Variants in HMGN3 observed in about 807,000 individuals in gnomAD.
HMGN3 encodes high mobility group nucleosome-binding domain-containing protein 3.
A neutral mutation model predicts 18.8 loss-of-function variants in HMGN3; 6 were observed. That is an observed-to-expected ratio of 0.32 (90% CI 0.18 to 0.63). HMGN3 has a LOEUF of 0.63. Ranked by LOEUF, HMGN3 falls within the 30% of genes least tolerant of loss-of-function variation. HMGN3 has a pLI of 0.79. For synonymous variants in HMGN3, 40 were observed against 36.5 expected, an observed-to-expected ratio of 1.10 and a Z score of -0.35; for missense variants, 107 against 114.2, an observed-to-expected ratio of 0.94 and a Z score of 0.29.
chr6:79,232,610 T>C (rs947363499), intron 1 of HMGN3, among the ~76,000 whole-genome samples: 1 of 151,988 alleles, frequency 6.6e-6, no homozygotes, highest in Non-Finnish European at 1.5e-5. Flanking sequence ...AGTTTTTTTT[T>C]TTTTTCCTTC....
At chr6:79,215,951 A>G (rs1776962059) in intron 1 of HMGN3, among the ~76,000 whole-genome samples, 1 of 152,236 alleles carries the variant, frequency 6.6e-6, no homozygotes, top group African/African-American at 2.4e-5. Flanking sequence ...CCTGTTAGAA[A>G]AAAATACAAA....
intron 1 of HMGN3, among the ~76,000 whole-genome samples, chr6:79,215,941 C>G (rs1561993478): frequency 6.6e-6 from 1 of 152,006 alleles, no homozygotes; most frequent in African/African-American, 2.4e-5. Context: ...GAATAGAGCT[C>G]CTGTTAGAAA....
At chr6:79,234,666 C>A in exon 1 of HMGN3, 2 of 1,136,902 alleles carry the variant, frequency 1.8e-6, no homozygotes, top group South Asian at 1.3e-5. Context: ...CAGGGCACGA[C>A]GTAGCCCGGC....
chr6:79,225,247 A>G (rs1478829070), intron 1 of HMGN3, among the ~76,000 whole-genome samples: 2 of 152,246 alleles, frequency 1.3e-5, no homozygotes, highest in Non-Finnish European at 2.9e-5. Context: ...AGCAAAAAGT[A>G]AAAGAAATAA....
In HMGN3 at chr6:79,202,197, G is replaced by T. The variant is rs780950003; in HGVS notation, c.261+79C>A. 6.2e-6 allele frequency: 10 copies of T among 1,609,810 alleles called. No homozygotes were observed. In the African/African-American group the frequency reaches 1.3e-4, roughly 21 times the overall value. On this transcript the variant is annotated intron_variant, in intron 5 of 5. Coordinates refer to ENST00000344726, the Ensembl canonical transcript of HMGN3. ...GGCAATAAAAAGAGACATTAAGAAC[G>T]TGCTATCACCGGCTGAAGGATTGAG...
chr6:79,233,918 C>G (rs1777999564), intron 1 of HMGN3: 1 of 152,646 alleles, frequency 6.6e-6, no homozygotes, highest in South Asian at 2.1e-4. Flanking sequence ...GCTCCCGCCC[C>G]GAACTGCGGG....
At chr6:79,224,883 C>T (rs1310498175) in intron 1 of HMGN3, among the ~76,000 whole-genome samples, 1 of 152,166 alleles carries the variant, frequency 6.6e-6, no homozygotes, top group African/African-American at 2.4e-5. Context: ...AAATGGTAAA[C>T]ACAGTTATGA....
At chr6:79,201,647 C>A in exon 6 of HMGN3, 4 of 1,334,576 alleles carry the variant, frequency 3.0e-6, no homozygotes, top group Non-Finnish European at 4.3e-6. Flanking sequence ...AAAAGTTGTC[C>A]CAAGAGATAC....
exon 1 of HMGN3, chr6:79,234,638 T>A: frequency 6.9e-7 from 1 of 1,445,138 alleles, no homozygotes; most frequent in Non-Finnish European, 9.7e-7. Flanking sequence ...TGCCTCTGCC[T>A]CTGCAGCTGC....
At chr6:79,231,942 A>T (rs138275790) in intron 1 of HMGN3, among the ~76,000 whole-genome samples, 168 of 152,338 alleles carry the variant, frequency 1.1e-3, no homozygotes, top group African/African-American at 3.9e-3. Flanking sequence ...GCATTACAAC[A>T]GGGCTAGGAT....
intron 1 of HMGN3, 133 bp from the exon 2 acceptor site, chr6:79,215,155 A>C: frequency 1.7e-6 from 1 of 605,086 alleles, no homozygotes; most frequent in South Asian, 2.1e-5. Flanking sequence ...AGTAAATTAC[A>C]ACAGGGTATG....
intron 1 of HMGN3, among the ~76,000 whole-genome samples, chr6:79,228,990 GAA>G (rs1314284942): frequency 6.6e-6 from 1 of 152,240 alleles, no homozygotes; most frequent in Non-Finnish European, 1.5e-5. Context: ...ATTCAGTAGA[GAA>G]AGGATGGTCT....
intron 3 of HMGN3, among the ~76,000 whole-genome samples, chr6:79,205,977 T>G (rs903555946): frequency 3.3e-5 from 5 of 152,158 alleles, no homozygotes; most frequent in African/African-American, 1.2e-4. Flanking sequence ...ATTTTGCCCC[T>G]GGTCTAGAGA....
intron 1 of HMGN3, among the ~76,000 whole-genome samples, chr6:79,215,329 C>T (rs996107682): frequency 6.6e-6 from 1 of 152,186 alleles, no homozygotes; most frequent in African/African-American, 2.4e-5. Context: ...AGTTAAAGAA[C>T]AGGGGCCAGA....
chr6:79,228,404 T>C (rs940183528), intron 1 of HMGN3, among the ~76,000 whole-genome samples: 3 of 152,208 alleles, frequency 2.0e-5, no homozygotes, highest in Non-Finnish European at 4.4e-5. Context: ...TACTCAAACA[T>C]AGATTCCATA....
chr6:79,228,258 T>C (rs1428628517), intron 1 of HMGN3, among the ~76,000 whole-genome samples: 1 of 152,198 alleles, frequency 6.6e-6, no homozygotes, highest in Non-Finnish European at 1.5e-5. Flanking sequence ...TATTTACTCA[T>C]TCAGGTTGAA....
intron 1 of HMGN3, among the ~76,000 whole-genome samples, chr6:79,227,209 T>G (rs1777603610): frequency 6.6e-6 from 1 of 152,242 alleles, no homozygotes; most frequent in Non-Finnish European, 1.5e-5. Context: ...GATCACTTGG[T>G]ACCTGATCTT....
chr6:79,206,506 T>C (rs1776427567), intron 3 of HMGN3, among the ~76,000 whole-genome samples: 1 of 152,212 alleles, frequency 6.6e-6, no homozygotes, highest in Non-Finnish European at 1.5e-5. Context: ...CCTGCGAGTG[T>C]GCAGAAGTGA....
Position 79,224,466 on chromosome 6 carries a change from A to G in HMGN3, c.16-9444T>C, listed in dbSNP as rs1399961735. On this transcript the variant is annotated intron_variant, in intron 1 of 5. Coordinates refer to ENST00000344726, the Ensembl canonical transcript of HMGN3. Reference sequence around the variant, plus strand: ...AATAATAACAAACAATAACCTATTAAAAATAGTTTATGTTGAGTTGAACAA... The same window carrying G: ...AATAATAACAAACAATAACCTATTAGAAATAGTTTATGTTGAGTTGAACAA... Among the ~76,000 whole-genome samples the G allele has an allele frequency of 2.6e-5, 4 of 152,222 alleles. No individual in the cohort carries two copies. The East Asian group carries it at 5.8e-4, about 22-fold the overall frequency.
Sources: gnomAD v4.1 joint callset for allele counts (sites outside exome capture counted in the v4.1 genomes callset) on GRCh38, gnomAD v4.1.1 for gene constraint, MANE v1.5 for transcripts, NCBI Gene and HGNC (gene_info 2026-07-23, HGNC 2026-07-21) for gene names.